The following CYTH3 variants were observed in gnomAD, a reference collection of about 807,000 sequenced individuals.
CYTH3 encodes cytohesin 3.
Under a neutral mutation model 55.1 loss-of-function variants are expected in CYTH3, and 23 were observed. That is an observed-to-expected ratio of 0.42 (90% confidence interval 0.30 to 0.59). CYTH3 has a LOEUF of 0.59. Ranked by LOEUF, CYTH3 falls within the 20% of genes least tolerant of loss-of-function variation. The probability of loss-of-function intolerance (pLI) is 0.20; values close to 1 mark genes in which losing one functional copy is unlikely to be tolerated. For missense variants in CYTH3, 413 were observed against 524.8 expected, an observed-to-expected ratio of 0.79 and a Z score of 2.08; for synonymous variants, 249 against 194.9, an observed-to-expected ratio of 1.28 and a Z score of -2.31.
At position 6,167,432 on chromosome 7, in the gene CYTH3, TC is replaced by T. The variant is rs1215965315; in HGVS notation, c.824-1623del. ...TGTGGCAGAATCAGCTGACAGCAAC[TC>T]CACTACCCTGACATCCGTCACTGTC... is the stretch of plus-strand genomic sequence containing the variant. On this transcript the variant is annotated intron_variant, in intron 9 of 12. Coordinates refer to ENST00000350796, the MANE Select transcript of CYTH3 (RefSeq NM_004227.4). This position sits in a 1 kb window ranked among gnomAD's most constrained non-coding sequence, Gnocchi z 5.5. Among the ~76,000 whole-genome samples, 4 of 152,258 alleles carry T rather than the reference TC, an allele frequency of 2.6e-5. No individual in the cohort carries two copies. The highest frequency in any genetic ancestry group is 5.9e-5 in the Non-Finnish European group (4 of 68,014).
rs1157950616 is a variant in CYTH3, at chr7:6,171,612, C to T, written c.450-298G>A. 6.1e-6 allele frequency: 2 copies of T among 330,062 alleles called. No individual in the cohort carries two copies. The highest frequency in any genetic ancestry group is 3.8e-5 in the Admixed American group (1 of 26,112). The allele number at this position is 330,062 out of a possible 1,614,324, so 20.4% of individuals were successfully genotyped here. A position where few individuals can be genotyped will look rare whatever the true frequency, so the allele number is the denominator to read the frequency against. On this transcript the variant is annotated intron_variant, in intron 6 of 12. Transcript: ENST00000350796. The surrounding 1 kb of genome is among the most constrained non-coding windows in gnomAD (Gnocchi z 6.7). The stretch of plus-strand genomic sequence containing the variant: ...TCCAGGATCCTGGCACTTCTCTGTC[C>T]CCATTGCCACCATCTCCTGCTGCTG...
chr7:6,203,392 C>T (rs1412975907), intron 1 of CYTH3, among the ~76,000 whole-genome samples: 1 of 152,132 alleles, frequency 6.6e-6, no homozygotes, highest in Admixed American at 6.6e-5. Flanking sequence ...ACAACTGCTA[C>T]TCCTTAACGT....
chr7:6,230,127 T>C (rs528952992), intron 1 of CYTH3, among the ~76,000 whole-genome samples: 2 of 152,268 alleles, frequency 1.3e-5, no homozygotes, highest in South Asian at 4.1e-4. Context: ...AGAGTGAGAC[T>C]ACATGTCAAA....
At position 6,187,116 on chromosome 7, in the gene CYTH3, G is replaced by A. The variant is rs1245879097; in HGVS notation, c.183C>T (p.Ser61=). ...EIDNLTSVEE[S]KTTQRNKQIA... ...TCTGTTTGTTCCTCTGAGTCGTTTTGCTATTGGTGTGAAATAATTTAAAAA... is the reference window on the plus strand; with the variant it reads ...TCTGTTTGTTCCTCTGAGTCGTTTTACTATTGGTGTGAAATAATTTAAAAA... Residue 61 remains serine (S), a splice_region_variant and synonymous_variant, in exon 4 of 13, where the codon AGC becomes AGT. Coordinates refer to ENST00000350796, the MANE Select transcript of CYTH3 (RefSeq NM_004227.4). 6.2e-7 allele frequency: 1 copy of A among 1,602,154 alleles called. No individual in the cohort carries two copies. The highest frequency in any genetic ancestry group is 1.3e-5 in the African/African-American group (1 of 74,454).
intron 1 of CYTH3, among the ~76,000 whole-genome samples, chr7:6,193,228 A>G (rs1327078409): frequency 6.6e-6 from 1 of 152,108 alleles, no homozygotes; most frequent in Non-Finnish European, 1.5e-5. Flanking sequence ...CAAAAAATTA[A>G]TATGAATGGG....
rs1782898016 is a variant in CYTH3, at chr7:6,163,445, CAG to C, written c.*1497_*1498del. The C allele has an allele frequency of 2.0e-5, 3 of 152,678 alleles. No individual in the cohort carries two copies. Among genetic ancestry groups the C allele is most frequent in the Admixed American group, 2.0e-4 (3 of 15,288 alleles). 9.5% of individuals were successfully genotyped at this position (152,678 alleles called of 1,614,324 possible). A position where few individuals can be genotyped will look rare whatever the true frequency, so the allele number is the denominator to read the frequency against. ...ACCAACCCAACAGCCCACTGTGTAA[CAG>C]GGTCCTGGGGACGCAAATCTCCCGA... On this transcript the variant is annotated 3_prime_UTR_variant, in exon 13 of 13. Coordinates refer to ENST00000350796, the MANE Select transcript of CYTH3 (RefSeq NM_004227.4).
chr7:6,259,833 T>TATATATATATATATA (rs57061102), intron 1 of CYTH3, among the ~76,000 whole-genome samples: 1 of 15,612 alleles, frequency 6.4e-5, no homozygotes, highest in Non-Finnish European at 8.9e-5. Flanking sequence ...TATATATATA[T>TATATATATATATATA]TTTTTTTTTT....
rs1783192745 is a variant in CYTH3 at position 6,171,491 on chromosome 7, T to C, written c.450-177A>G. Among the ~76,000 whole-genome samples the C allele has an allele frequency of 6.6e-6, 1 of 152,150 alleles. No homozygotes were observed. Among genetic ancestry groups the C allele is most frequent in the South Asian group, 2.1e-4 (1 of 4,826 alleles). ...GAAGACCCAGGACAGTCTCCTTCCG[T>C]TCCATAACTCGAGACACGCTTACTG... On this transcript the variant is annotated intron_variant, in intron 6 of 12. Transcript: ENST00000350796. The surrounding 1 kb of genome is among the most constrained non-coding windows in gnomAD (Gnocchi z 6.7).
rs573342435 is a variant in CYTH3, at chr7:6,248,376, A to C, written c.34+24098T>G. Among the ~76,000 whole-genome samples the C allele has an allele frequency of 1.2e-4, 19 of 152,164 alleles. No homozygotes were observed. In the East Asian group the frequency reaches 3.7e-3, roughly 30 times the overall value. ...GATGCATATATAAACTGCACTGCCT[A>C]TTCAGAGATGTGGTCCATCTTCAAG... On this transcript the variant is annotated intron_variant, in intron 1 of 12. Transcript: ENST00000350796.
At chr7:6,247,071 A>G (rs183819737) in intron 1 of CYTH3, among the ~76,000 whole-genome samples, 5 of 152,372 alleles carry the variant, frequency 3.3e-5, no homozygotes, top group South Asian at 2.1e-4. Context: ...ACTGGCTCAC[A>G]TAACTCCTAA....
At chr7:6,185,765 T>C (rs1783627416) in intron 4 of CYTH3, among the ~76,000 whole-genome samples, 1 of 151,804 alleles carries the variant, frequency 6.6e-6, no homozygotes, top group Non-Finnish European at 1.5e-5. Flanking sequence ...CTGCAAACCG[T>C]GAGCAGGAAA....
chr7:6,173,545 C>G (rs990332464), intron 6 of CYTH3, 108 bp downstream of exon 6: 2 of 748,232 alleles, frequency 2.7e-6, no homozygotes, highest in Admixed American at 3.8e-5. Flanking sequence ...ATCTGTGAGA[C>G]TCGTGTGGCA....
chr7:6,166,281 C>T (rs1461067384), intron 9 of CYTH3, among the ~76,000 whole-genome samples: 3 of 152,242 alleles, frequency 2.0e-5, no homozygotes, highest in Non-Finnish European at 4.4e-5. Flanking sequence ...CTGGAGCACA[C>T]GTGCACACGC....
intron 1 of CYTH3, among the ~76,000 whole-genome samples, chr7:6,253,753 T>C (rs1040190991): frequency 2.0e-5 from 3 of 152,020 alleles, no homozygotes; most frequent in African/African-American, 7.2e-5. Flanking sequence ...GAGGCGGAAG[T>C]TGCAGTGAGC....
intron 1 of CYTH3, among the ~76,000 whole-genome samples, chr7:6,254,218 T>C (rs1780045584): frequency 6.6e-6 from 1 of 151,448 alleles, no homozygotes; most frequent in South Asian, 2.1e-4. Context: ...ATAAGACTGA[T>C]AAAAGATAAC....
Position 6,171,009 on chromosome 7 carries a change from C to A in CYTH3, c.563-31G>T, listed in dbSNP as rs772950771. Reference sequence around the variant, plus strand: ...ACGAGTCCGGGGTGCTGGGCTCAGCCAGAACCTCCAGTGGACAGTGGGACC... The same window carrying A: ...ACGAGTCCGGGGTGCTGGGCTCAGCAAGAACCTCCAGTGGACAGTGGGACC... On this transcript the variant is annotated intron_variant, in intron 7 of 12. Transcript: ENST00000350796. This position sits in a 1 kb window ranked among gnomAD's most constrained non-coding sequence, Gnocchi z 6.7. 3 of 1,612,166 alleles carry A rather than the reference C, an allele frequency of 1.9e-6. No homozygotes were observed. The highest frequency in any genetic ancestry group is 2.7e-5 in the African/African-American group (2 of 74,928).
At chr7:6,184,952 C>T (rs1452883434) in intron 4 of CYTH3, among the ~76,000 whole-genome samples, 1 of 152,218 alleles carries the variant, frequency 6.6e-6, no homozygotes, top group African/African-American at 2.4e-5. Flanking sequence ...CATGAACTTA[C>T]TGGTGTGCTG....
At chr7:6,271,901 G>A (rs1233651480) in intron 1 of CYTH3, among the ~76,000 whole-genome samples, 1 of 152,022 alleles carries the variant, frequency 6.6e-6, no homozygotes, top group East Asian at 1.9e-4. Context: ...AACTCCAGCT[G>A]GCCCCCTCCC....
chr7:6,184,354 C>T (rs1377037520), intron 4 of CYTH3, among the ~76,000 whole-genome samples: 2 of 152,038 alleles, frequency 1.3e-5, no homozygotes, highest in Non-Finnish European at 2.9e-5. Context: ...GCCACCGCGC[C>T]TGGCCCCCTC....
Sources: allele counts gnomAD v4.1 joint callset (sites outside exome capture counted in the v4.1 genomes callset), GRCh38; gene constraint gnomAD v4.1.1; non-coding constraint Gnocchi (gnomAD v3.1); transcripts MANE v1.5; gene names NCBI Gene and HGNC (gene_info 2026-07-23, HGNC 2026-07-21).